XKR4: variants seen among roughly 807,000 people sequenced by gnomAD.
XKR4 encodes the protein XK related 4.
XKR4 carries 12 observed loss-of-function variants against 53.9 expected under a neutral mutation model. The ratio of observed to expected loss-of-function variants is 0.22; its 90% CI spans 0.14 to 0.36. The LOEUF is 0.36. Among genes scored for constraint, XKR4 ranks in the 10% least tolerant of loss-of-function variants. The pLI is 1.00. For synonymous variants in XKR4, 354 were observed against 362.4 expected, an observed-to-expected ratio of 0.98 and a Z score of 0.26; for missense variants, 799 against 859.5, an observed-to-expected ratio of 0.93 and a Z score of 0.88.
chr8:55,380,796 T>C (rs765785671), intron 2 of XKR4, among the ~76,000 whole-genome samples: 1 of 152,264 alleles, frequency 6.6e-6, no homozygotes, highest in Non-Finnish European at 1.5e-5. Flanking sequence ...CTCTAGTAAC[T>C]GCTCTGTGCT....
chr8:55,345,147 T>C (rs1002343003), intron 1 of XKR4, among the ~76,000 whole-genome samples: 7 of 151,850 alleles, frequency 4.6e-5, no homozygotes, highest in Non-Finnish European at 5.9e-5. Context: ...CTGGGTGTGG[T>C]GGTGCACACC....
intron 1 of XKR4, among the ~76,000 whole-genome samples, chr8:55,269,266 ACT>A (rs950116548): frequency 2.0e-4 from 29 of 147,552 alleles, no homozygotes; most frequent in Admixed American, 1.4e-3. Flanking sequence ...TCTCTTTCTC[ACT>A]CTCTCTTTTT....
intron 2 of XKR4, among the ~76,000 whole-genome samples, chr8:55,361,136 A>C (rs1803897417): frequency 6.6e-6 from 1 of 152,262 alleles, no homozygotes; most frequent in Non-Finnish European, 1.5e-5. Flanking sequence ...GATACACACC[A>C]GGAGGCCCGA....
intron 2 of XKR4, among the ~76,000 whole-genome samples, chr8:55,413,027 G>A (rs538062324): frequency 6.6e-6 from 1 of 152,340 alleles, no homozygotes; most frequent in African/African-American, 2.4e-5. Flanking sequence ...GAAGGGCAGG[G>A]ATGGAAGACA....
intron 1 of XKR4, among the ~76,000 whole-genome samples, chr8:55,196,821 C>T (rs985383634): frequency 5.9e-5 from 9 of 152,032 alleles, no homozygotes; most frequent in East Asian, 1.9e-4. Context: ...ATAAAATGGA[C>T]GAAATGAAGG....
chr8:55,526,986 AAG>A lies in XKR4; in HGVS notation c.*2761_*2762del, dbSNP rs1406813897. 2.0e-5 allele frequency: 3 copies of A among 152,200 alleles called. No individual in the cohort carries two copies. Among genetic ancestry groups the A allele is most frequent in the African/African-American group, 7.2e-5 (3 of 41,454 alleles). The allele number at this position is 152,200 out of a possible 1,614,324, so 9.4% of individuals were successfully genotyped here. A position where few individuals can be genotyped will look rare whatever the true frequency, so the allele number is the denominator to read the frequency against. Reference sequence around the variant, plus strand: ...ATTAGGCATGAATTCTTGTTAAGGAAAGAACATATCCATGATGTGATGAATTA... The same window carrying A: ...ATTAGGCATGAATTCTTGTTAAGGAAAACATATCCATGATGTGATGAATTA... On this transcript the variant is annotated 3_prime_UTR_variant, in exon 3 of 3. Coordinates refer to ENST00000327381, the MANE Select transcript of XKR4 (RefSeq NM_052898.2).
intron 2 of XKR4, among the ~76,000 whole-genome samples, chr8:55,400,925 C>T (rs953608805): frequency 1.6e-4 from 25 of 152,192 alleles, no homozygotes; most frequent in African/African-American, 6.0e-4. Flanking sequence ...TTTGAGTTCA[C>T]ATCTTAAAGG....
chr8:55,137,343 A>G (rs111513822), intron 1 of XKR4, among the ~76,000 whole-genome samples: 155 of 152,304 alleles, frequency 1.0e-3, no homozygotes, highest in African/African-American at 3.6e-3. Flanking sequence ...TGATTACCTC[A>G]ATTGTCCATT....
intron 2 of XKR4, among the ~76,000 whole-genome samples, chr8:55,514,468 AC>A (rs1468466893): frequency 1.3e-5 from 2 of 151,846 alleles, no homozygotes; most frequent in Non-Finnish European, 2.9e-5. Flanking sequence ...CGTTGGCCAG[AC>A]TGGTCTCGAA....
intron 2 of XKR4, chr8:55,451,759 C>CG (rs2129396389): frequency 8.8e-7 from 1 of 1,131,600 alleles, no homozygotes; most frequent in African/African-American, 1.5e-5. Context: ...CCGGCTCAGG[C>CG]GGCTGCTCAG....
Position 55,452,569 on chromosome 8 carries a change from G to T in XKR4, c.1007-70712G>T, listed in dbSNP as rs147358665. ...GGTTTCTAGATGGGCATCAGCCTCCGGTTCTCCCGCTGCACCGCCTCCAGG... is the reference window on the plus strand; with the variant it reads ...GGTTTCTAGATGGGCATCAGCCTCCTGTTCTCCCGCTGCACCGCCTCCAGG... On this transcript the variant is annotated intron_variant, in intron 2 of 2. Transcript: ENST00000327381. The T allele has an allele frequency of 4.4e-4, 352 of 801,784 alleles. 1 individual carries two copies. The African/African-American group carries it at 4.4e-3, about 10-fold the overall frequency. The allele number at this position is 801,784 out of a possible 1,614,324, so 49.7% of individuals were successfully genotyped here.
intron 2 of XKR4, among the ~76,000 whole-genome samples, chr8:55,489,653 TAATATATTTATGTTTAAGTATCTCGTA>T (rs1412682968): frequency 3.3e-5 from 5 of 152,252 alleles, no homozygotes; most frequent in Non-Finnish European, 5.9e-5. Context: ...TCTATTCACT[TAATATATTTATGTTTAAGTATCTCGTA>T]AGTAAAATGA....
intron 1 of XKR4, among the ~76,000 whole-genome samples, chr8:55,319,079 A>AT (rs1309236180): frequency 6.6e-6 from 1 of 152,138 alleles, no homozygotes; most frequent in African/African-American, 2.4e-5. Context: ...TCTGCAACTA[A>AT]TTTTTTCCAT....
intron 2 of XKR4, among the ~76,000 whole-genome samples, chr8:55,381,520 A>G (rs757019545): frequency 7.2e-5 from 11 of 152,186 alleles, no homozygotes; most frequent in Non-Finnish European, 1.2e-4. Context: ...TTGAAAGGCC[A>G]TGGAATCTGG....
chr8:55,142,291 G>A, intron 1 of XKR4: 1 of 426,828 alleles, frequency 2.3e-6, no homozygotes, highest in Non-Finnish European at 4.7e-6. Flanking sequence ...TAAGGAAAGG[G>A]TATAGTACAC....
Position 55,525,111 on chromosome 8 carries a change from C to G in XKR4, c.*884C>G, listed in dbSNP as rs1272755662. On this transcript the variant is annotated 3_prime_UTR_variant, in exon 3 of 3. Coordinates refer to ENST00000327381, the MANE Select transcript of XKR4 (RefSeq NM_052898.2). ...CTGATTCCCAGGCATGTGCAGCGCC[C>G]ATTGGGACATAACGGCAGTGCGGCG... The G allele has an allele frequency of 6.6e-6, 1 of 152,582 alleles. No individual in the cohort carries two copies. The highest frequency in any genetic ancestry group is 1.5e-5 in the Non-Finnish European group (1 of 68,046). 9.5% of individuals were successfully genotyped at this position (152,582 alleles called of 1,614,324 possible). A position where few individuals can be genotyped will look rare whatever the true frequency, so the allele number is the denominator to read the frequency against.
intron 1 of XKR4, among the ~76,000 whole-genome samples, chr8:55,219,327 A>G (rs2129365068): frequency 6.6e-6 from 1 of 152,240 alleles, no homozygotes; most frequent in East Asian, 1.9e-4. Context: ...GGATGTTTGC[A>G]GTTCATGCTG....
chr8:55,521,622 G>T (rs1806799220), intron 2 of XKR4, among the ~76,000 whole-genome samples: 2 of 152,170 alleles, frequency 1.3e-5, no homozygotes, highest in African/African-American at 4.8e-5. Flanking sequence ...TGTTCTGCTG[G>T]CTTTATTGGG....
At chr8:55,171,230 T>TA (rs1817151654) in intron 1 of XKR4, among the ~76,000 whole-genome samples, 1 of 152,266 alleles carries the variant, frequency 6.6e-6, no homozygotes, top group African/African-American at 2.4e-5. Flanking sequence ...GAAATATTTG[T>TA]GAGGTGTTAA....
Sources: allele counts gnomAD v4.1 joint callset (sites outside exome capture counted in the v4.1 genomes callset), GRCh38; gene constraint gnomAD v4.1.1; transcripts MANE v1.5; gene names NCBI Gene and HGNC (gene_info 2026-07-23, HGNC 2026-07-21).